The following SULF2 variants were observed in gnomAD, a reference collection of about 807,000 sequenced individuals.
The protein encoded by SULF2 is extracellular sulfatase Sulf-2.
SULF2 carries 52 observed loss-of-function variants against 107.7 expected under a neutral mutation model. The ratio of observed to expected loss-of-function variants is 0.48; its 90% confidence interval spans 0.39 to 0.61. The LOEUF is 0.61. SULF2 is among the 20% of genes least tolerant of loss of function. The pLI is 0.00. For missense variants in SULF2, 993 were observed against 1,177.3 expected, an observed-to-expected ratio of 0.84 and a Z score of 2.29; for synonymous variants, 460 against 464.3, an observed-to-expected ratio of 0.99 and a Z score of 0.12.
intron 2 of SULF2, among the ~76,000 whole-genome samples, chr20:47,737,666 A>G (rs1471601660): frequency 6.6e-6 from 1 of 150,544 alleles, no homozygotes; most frequent in African/African-American, 2.5e-5. Flanking sequence ...GAGAGCTCTG[A>G]GCAGTCTTGC....
chr20:47,781,376 T>G (rs925685484), intron 1 of SULF2, among the ~76,000 whole-genome samples: 1 of 152,228 alleles, frequency 6.6e-6, no homozygotes, highest in African/African-American at 2.4e-5. Flanking sequence ...TTCCAGGCTT[T>G]GGGGTCTCAG....
intron 2 of SULF2, among the ~76,000 whole-genome samples, chr20:47,755,914 CTT>C (rs60027908): frequency 3.3e-4 from 48 of 147,370 alleles, no homozygotes; most frequent in African/African-American, 1.1e-3. Context: ...CTCCCTGGCA[CTT>C]TTTTTTTTTG....
intron 3 of SULF2, among the ~76,000 whole-genome samples, chr20:47,730,248 G>A (rs1182285850): frequency 7.2e-5 from 11 of 152,186 alleles, no homozygotes; most frequent in South Asian, 6.2e-4. Context: ...CTCCCCTGAC[G>A]CATTTTAGAA....
chr20:47,757,404 G>A lies in SULF2; in HGVS notation c.-41C>T. The A allele has an allele frequency of 1.3e-6, 2 of 1,534,962 alleles. No homozygotes were observed. Among genetic ancestry groups the A allele is most frequent in the Non-Finnish European group, 1.8e-6 (2 of 1,133,524 alleles). ...ATCTGGTGCTTCTTTTGGGATGCGGGAGTCTCAAGTTGCGTCTGTGGCTTT... is the reference window on the plus strand; with the variant it reads ...ATCTGGTGCTTCTTTTGGGATGCGGAAGTCTCAAGTTGCGTCTGTGGCTTT... On this transcript the variant is annotated 5_prime_UTR_variant, in exon 2 of 21. Coordinates refer to ENST00000688720, the MANE Select transcript of SULF2 (RefSeq NM_001387048.1).
intron 1 of SULF2, among the ~76,000 whole-genome samples, chr20:47,769,970 C>T (rs573355245): frequency 9.0e-5 from 13 of 144,200 alleles, no homozygotes; most frequent in Non-Finnish European, 1.8e-4. Flanking sequence ...GAGGGAGGGC[C>T]GGAAAGGGGG....
intron 3 of SULF2, among the ~76,000 whole-genome samples, chr20:47,725,309 T>C (rs574276308): frequency 1.3e-5 from 2 of 152,320 alleles, no homozygotes; most frequent in African/African-American, 2.4e-5. Flanking sequence ...AGTATTTACA[T>C]ATAAAATAGA....
chr20:47,687,084 C>T (rs1354099621), intron 5 of SULF2, among the ~76,000 whole-genome samples: 5 of 152,184 alleles, frequency 3.3e-5, no homozygotes, highest in African/African-American at 9.7e-5. Flanking sequence ...GCCCGGATTC[C>T]AGGATGCAAT....
chr20:47,765,302 C>T (rs6094819), intron 1 of SULF2, among the ~76,000 whole-genome samples: 1,648 of 150,500 alleles, frequency 0.011, 38 homozygotes, highest in African/African-American at 0.038. Context: ...TGCAGTGAGC[C>T]GAGATCGAGC....
At chr20:47,676,087 C>A (rs1221756560) in intron 10 of SULF2, among the ~76,000 whole-genome samples, 1 of 152,138 alleles carries the variant, frequency 6.6e-6, no homozygotes, top group Non-Finnish European at 1.5e-5. Context: ...AAAACCTTAC[C>A]TATATTTATT....
At position 47,657,583 on chromosome 20, in the gene SULF2, A is replaced by AAAAC. The variant is rs1347704751; in HGVS notation, c.*775_*778dup. 1 of 152,234 alleles carries AAAAC rather than the reference A, an allele frequency of 6.6e-6. No homozygotes were observed. The allele number at this position is 152,234 out of a possible 1,614,324, so 9.4% of individuals were successfully genotyped here. A position where few individuals can be genotyped will look rare whatever the true frequency, so the allele number is the denominator to read the frequency against. On this transcript the variant is annotated 3_prime_UTR_variant, in exon 21 of 21. Transcript: ENST00000688720. The stretch of plus-strand genomic sequence containing the variant: ...CATTTCTTTTCAGTACCTTAAAAAA[A>AAAAC]AAACATCAGTTCTGGGACATAACAA...
At chr20:47,728,691 G>A (rs908831038) in intron 3 of SULF2, among the ~76,000 whole-genome samples, 2 of 152,196 alleles carry the variant, frequency 1.3e-5, no homozygotes, top group Non-Finnish European at 2.9e-5. Context: ...TCACCCAAGC[G>A]ACAGAGTGTA....
Position 47,663,207 on chromosome 20 carries a change from G to T in SULF2, c.2233C>A (p.Pro745Thr), listed in dbSNP as rs766819612. The T allele has an allele frequency of 3.7e-6, 6 of 1,614,076 alleles. 1 individual carries two copies. Among genetic ancestry groups the T allele is most frequent in the South Asian group, 3.3e-5 (3 of 91,080 alleles). The change falls in exon 17 of 21, where the codon CCT (proline) becomes ACT (threonine). Residue 745 changes from proline to threonine, a missense_variant. Physicochemically the swap from Pro to Thr is conservative, Grantham distance 38. Coordinates refer to ENST00000688720, the MANE Select transcript of SULF2 (RefSeq NM_001387048.1). ...TTGGCGCTGGTGCAGGCACAGAAAG[G>T]CCCCACTGCCAAGGAAGAGAGAGCA... ...WQTAPFWTLG[P>T]FCACTSANNN...
intron 1 of SULF2, among the ~76,000 whole-genome samples, chr20:47,763,897 A>G (rs894126908): frequency 1.3e-5 from 2 of 152,132 alleles, no homozygotes; most frequent in African/African-American, 4.8e-5. Flanking sequence ...AATAACTTCC[A>G]TCCCACGCAG....
rs2087280470 is a variant in SULF2, at chr20:47,666,546, C to T, written c.1577-58G>A. 4 of 1,406,224 alleles carry T rather than the reference C, an allele frequency of 2.8e-6. No homozygotes were observed. Among genetic ancestry groups the T allele is most frequent in the Non-Finnish European group, 4.0e-6 (4 of 1,011,504 alleles). The allele number at this position is 1,406,224 out of a possible 1,614,324, so 87.1% of individuals were successfully genotyped here. Reference sequence around the variant, plus strand: ...AGGCAGGAAAGGCTGGCCAGGCTCCCAGGGCAGTGGGTCCTTCATCAAGAT... The same window carrying T: ...AGGCAGGAAAGGCTGGCCAGGCTCCTAGGGCAGTGGGTCCTTCATCAAGAT... On this transcript the variant is annotated intron_variant, in intron 11 of 20. Transcript: ENST00000688720. This position sits in a 1 kb window ranked among gnomAD's most constrained non-coding sequence, Gnocchi z 5.4.
At chr20:47,676,708 G>A in intron 9 of SULF2, 85 bp from the exon 10 acceptor site, 5 of 1,491,832 alleles carry the variant, frequency 3.4e-6, no homozygotes, top group Non-Finnish European at 4.5e-6. Context: ...CTAGAGGGGT[G>A]CCCCCTCGGC....
At chr20:47,710,882 G>C (rs2088904381) in intron 3 of SULF2, among the ~76,000 whole-genome samples, 1 of 152,108 alleles carries the variant, frequency 6.6e-6, no homozygotes, top group Non-Finnish European at 1.5e-5. Flanking sequence ...GTGCTCCTGG[G>C]GAACGATTCG....
chr20:47,715,492 C>T (rs1050619550), intron 3 of SULF2, among the ~76,000 whole-genome samples: 9 of 152,012 alleles, frequency 5.9e-5, no homozygotes, highest in African/African-American at 1.4e-4. Flanking sequence ...CCTCGATGAA[C>T]GTTTGTGGAA....
Position 47,756,490 on chromosome 20 carries a change from C to T in SULF2, c.175+699G>A, listed in dbSNP as rs551515855. Among the ~76,000 whole-genome samples, 10 of 152,264 alleles carry T rather than the reference C, an allele frequency of 6.6e-5. No homozygotes were observed. In the South Asian group the frequency reaches 2.1e-3, roughly 32 times the overall value. ...GACAAATTCAGGTTGTCAAGGCTAACCTAGTCAACCTTCACATTTGTTGCC... is the reference window on the plus strand; with the variant it reads ...GACAAATTCAGGTTGTCAAGGCTAATCTAGTCAACCTTCACATTTGTTGCC... On this transcript the variant is annotated intron_variant, in intron 2 of 20. Coordinates refer to ENST00000688720, the MANE Select transcript of SULF2 (RefSeq NM_001387048.1).
At chr20:47,682,298 T>A (rs2087847805) in intron 7 of SULF2, among the ~76,000 whole-genome samples, 1 of 152,224 alleles carries the variant, frequency 6.6e-6, no homozygotes, top group Admixed American at 6.5e-5. Context: ...TGTTCCCACA[T>A]CTGGGCATGA....
Sources: allele counts gnomAD v4.1 joint callset (sites outside exome capture counted in the v4.1 genomes callset), GRCh38; gene constraint gnomAD v4.1.1; non-coding constraint Gnocchi (gnomAD v3.1); transcripts MANE v1.5; gene names NCBI Gene and HGNC (gene_info 2026-07-23, HGNC 2026-07-21).